AAK1: variants seen among roughly 807,000 people sequenced by gnomAD.
AAK1 encodes the protein AP2 associated kinase 1, also known as AP2-associated protein kinase 1.
In AAK1, 37 loss-of-function variants were observed where a neutral mutation model predicts 116.0. That is an observed-to-expected ratio of 0.32 (90% CI 0.25 to 0.42). The LOEUF (loss-of-function observed/expected upper bound fraction) is 0.42, where lower values mean the gene tolerates loss of function less well. Ranked by LOEUF, AAK1 falls within the 10% of genes least tolerant of loss-of-function variation. The pLI is 1.00. For missense variants in AAK1, 919 were observed against 1,170.6 expected, an observed-to-expected ratio of 0.79 and a Z score of 3.14; for synonymous variants, 458 against 439.9, an observed-to-expected ratio of 1.04 and a Z score of -0.51.
intron 2 of AAK1, among the ~76,000 whole-genome samples, chr2:69,600,186 A>C (rs1423055403): frequency 2.0e-5 from 3 of 152,280 alleles, no homozygotes; most frequent in African/African-American, 2.4e-5. Context: ...CTTTGAAGAC[A>C]AAAAAGAAAG....
Position 69,458,965 on chromosome 2 carries a change from C to G in AAK1, c.*16904G>C, listed in dbSNP as rs1275841235. On this transcript the variant is annotated 3_prime_UTR_variant, in exon 22 of 22. Coordinates refer to ENST00000409085, the MANE Select transcript of AAK1 (RefSeq NM_014911.5). ...AATGCAGGTAACACTAACTTGATTT[C>G]AAGAACATTGTCAAAACTGGGGTAC... 2 of 152,228 alleles carry G rather than the reference C, an allele frequency of 1.3e-5. No individual in the cohort carries two copies. Among genetic ancestry groups the G allele is most frequent in the Non-Finnish European group, 2.9e-5 (2 of 68,032 alleles). 9.4% of individuals were successfully genotyped at this position (152,228 alleles called of 1,614,324 possible). A position where few individuals can be genotyped will look rare whatever the true frequency, so the allele number is the denominator to read the frequency against.
chr2:69,566,301 T>C lies in AAK1; in HGVS notation c.164-9323A>G, dbSNP rs149332390. Among the ~76,000 whole-genome samples the C allele has an allele frequency of 1.8e-4, 27 of 152,258 alleles. No individual in the cohort carries two copies. The East Asian group carries it at 5.0e-3, about 28-fold the overall frequency. ...GGAGAAAAGGTCAATGCAAAGCATG[T>C]GTCAACACTGATTTCAGTGGGGGCT... On this transcript the variant is annotated intron_variant, in intron 2 of 21. Transcript: ENST00000409085.
intron 2 of AAK1, among the ~76,000 whole-genome samples, chr2:69,627,564 C>T (rs902525026): frequency 2.0e-5 from 3 of 152,146 alleles, no homozygotes; most frequent in African/African-American, 7.2e-5. Flanking sequence ...AAAGAAGAAA[C>T]TATGTTCTAT....
intron 2 of AAK1, among the ~76,000 whole-genome samples, chr2:69,621,356 G>T (rs761311334): frequency 6.6e-6 from 1 of 152,164 alleles, no homozygotes; most frequent in Non-Finnish European, 1.5e-5. Flanking sequence ...GTGTGCACCT[G>T]TAGTCCCAGC....
chr2:69,523,473 A>T (rs958408730), intron 10 of AAK1, among the ~76,000 whole-genome samples: 1 of 152,268 alleles, frequency 6.6e-6, no homozygotes, highest in African/African-American at 2.4e-5. Flanking sequence ...TTTTTAAGAT[A>T]CAGGTGTTAT....
At chr2:69,584,642 C>T (rs1273622679) in intron 2 of AAK1, among the ~76,000 whole-genome samples, 3 of 152,156 alleles carry the variant, frequency 2.0e-5, no homozygotes, top group African/African-American at 7.2e-5. Flanking sequence ...AGGGACACTA[C>T]GTCACATTTA....
At chr2:69,496,765 A>G (rs749277018) in intron 16 of AAK1, among the ~76,000 whole-genome samples, 2 of 152,150 alleles carry the variant, frequency 1.3e-5, no homozygotes, top group Non-Finnish European at 2.9e-5. Context: ...TAGCATGTGT[A>G]TAGGTACTTC....
chr2:69,539,291 G>A (rs1187450165), intron 5 of AAK1, among the ~76,000 whole-genome samples: 2 of 152,142 alleles, frequency 1.3e-5, no homozygotes, highest in Non-Finnish European at 2.9e-5. Flanking sequence ...TGGCAATACG[G>A]AGGAAGCTGC....
At chr2:69,522,696 C>G (rs559310130) in intron 10 of AAK1, among the ~76,000 whole-genome samples, 3 of 151,428 alleles carry the variant, frequency 2.0e-5, no homozygotes, top group African/African-American at 7.3e-5. Flanking sequence ...CCCAGCTACT[C>G]GGGAGGCTGA....
chr2:69,573,118 G>A (rs1672156091), intron 2 of AAK1, among the ~76,000 whole-genome samples: 2 of 152,132 alleles, frequency 1.3e-5, no homozygotes, highest in Admixed American at 1.3e-4. Context: ...TAATAAATGG[G>A]TACCAGGCAA....
At chr2:69,630,852 G>T (rs904479091) in intron 2 of AAK1, among the ~76,000 whole-genome samples, 2 of 152,156 alleles carry the variant, frequency 1.3e-5, no homozygotes, top group Non-Finnish European at 2.9e-5. Flanking sequence ...GTCAAGCCAA[G>T]ATTTTTCTCT....
intron 2 of AAK1, among the ~76,000 whole-genome samples, chr2:69,627,556 A>T (rs1674964199): frequency 6.6e-6 from 1 of 152,206 alleles, no homozygotes; most frequent in African/African-American, 2.4e-5. Context: ...TAGACACTAA[A>T]GAAGAAACTA....
At chr2:69,508,529 A>C (rs1676273661) in intron 14 of AAK1, among the ~76,000 whole-genome samples, 1 of 152,256 alleles carries the variant, frequency 6.6e-6, no homozygotes, top group Non-Finnish European at 1.5e-5. Context: ...CAGTCACTGG[A>C]TTTCCAAAGG....
At chr2:69,546,826 A>G in intron 3 of AAK1, among the ~76,000 whole-genome samples, 1 of 147,490 alleles carries the variant, frequency 6.8e-6, no homozygotes, top group African/African-American at 2.5e-5. Flanking sequence ...ACTGGTTAAC[A>G]TCTGCTGGTT....
rs1027775737 is a variant in AAK1, at chr2:69,462,366, A to G, written c.*13503T>C. The G allele has an allele frequency of 2.6e-5, 4 of 151,888 alleles. No homozygotes were observed. Among genetic ancestry groups the G allele is most frequent in the African/African-American group, 9.7e-5 (4 of 41,404 alleles). The allele number at this position is 151,888 out of a possible 1,614,324, so 9.4% of individuals were successfully genotyped here. On this transcript the variant is annotated 3_prime_UTR_variant, in exon 22 of 22. Transcript: ENST00000409085. The stretch of plus-strand genomic sequence containing the variant: ...ACATGTACCCTAAAACTTAAAGTAT[A>G]ATAATAATTTAAAAAAAAAAAAAGA...
intron 10 of AAK1, among the ~76,000 whole-genome samples, chr2:69,522,965 G>T (rs1033048808): frequency 6.6e-6 from 1 of 152,152 alleles, no homozygotes; most frequent in Non-Finnish European, 1.5e-5. Context: ...CTGAGTTCTA[G>T]CTCCTCACTA....
In AAK1 at chr2:69,480,792, G is replaced by A. The variant is rs188589986; in HGVS notation, c.2569+68C>T. 2.5e-3 allele frequency: 3,361 copies of A among 1,353,840 alleles called. 46 individuals carry two copies. Among genetic ancestry groups the A allele is most frequent in the Admixed American group, 0.012 (520 of 44,500 alleles). 83.9% of individuals were successfully genotyped at this position (1,353,840 alleles called of 1,614,324 possible). ...ATAAGCCCAGGAACGACTGAGCCAG[G>A]TGAAAAGACTGGCTCAGAGGTTCAC... On this transcript the variant is annotated intron_variant, in intron 19 of 21. Transcript: ENST00000409085.
intron 2 of AAK1, among the ~76,000 whole-genome samples, chr2:69,622,558 C>T (rs1238440365): frequency 6.6e-6 from 1 of 152,238 alleles, no homozygotes; most frequent in Non-Finnish European, 1.5e-5. Context: ...ACTGTAAGTA[C>T]ACCAATCGAC....
rs1674810503 is a variant in AAK1, at chr2:69,475,242, C to G, written c.*627G>C. The stretch of plus-strand genomic sequence containing the variant: ...GGGGTGTAAAATCCCTTGGCTAAGT[C>G]TATGATCAAACAAGGTCAAAGTTGG... On this transcript the variant is annotated 3_prime_UTR_variant, in exon 22 of 22. Coordinates refer to ENST00000409085, the MANE Select transcript of AAK1 (RefSeq NM_014911.5). 1 of 985,796 alleles carries G rather than the reference C, an allele frequency of 1.0e-6. No homozygotes were observed. Among genetic ancestry groups the G allele is most frequent in the Admixed American group, 6.1e-5 (1 of 16,270 alleles). 61.1% of individuals were successfully genotyped at this position (985,796 alleles called of 1,614,324 possible). A position where few individuals can be genotyped will look rare whatever the true frequency, so the allele number is the denominator to read the frequency against.
Sources: gnomAD v4.1 joint callset for allele counts (sites outside exome capture counted in the v4.1 genomes callset) on GRCh38, gnomAD v4.1.1 for gene constraint, MANE v1.5 for transcripts, NCBI Gene and HGNC (gene_info 2026-07-23, HGNC 2026-07-21) for gene names.